The following PASK variants were observed in gnomAD, a reference collection of about 807,000 sequenced individuals.
The protein encoded by PASK is PAS domain-containing serine/threonine-protein kinase.
PASK carries 110 observed loss-of-function variants against 121.0 expected under a neutral mutation model. The ratio of observed to expected loss-of-function variants is 0.91; its 90% CI spans 0.78 to 1.06. The LOEUF (loss-of-function observed/expected upper bound fraction) is 1.06, where lower values mean the gene tolerates loss of function less well. Among genes scored for constraint, PASK ranks in the 50% least tolerant of loss-of-function variants. The pLI is 0.00. For missense variants in PASK, 1,643 were observed against 1,702.3 expected (o/e 0.97, Z 0.61); for synonymous variants, 686 against 717.8 (o/e 0.96, Z 0.71).
At chr2:241,148,995 T>G (rs1031746296) in intron 1 of PASK, among the ~76,000 whole-genome samples, 1 of 152,036 alleles carries the variant, frequency 6.6e-6, no homozygotes, top group Admixed American at 6.6e-5. Context: ...CGGCGCCGGC[T>G]GAGCCCGCAG....
intron 2 of PASK, among the ~76,000 whole-genome samples, chr2:241,142,046 C>T (rs1474997794): frequency 6.6e-6 from 1 of 152,178 alleles, no homozygotes; most frequent in African/African-American, 2.4e-5. Context: ...GGGTGAAGCC[C>T]ACTCCCAAGG....
At chr2:241,143,212 C>T (rs1466198450) in intron 1 of PASK, 138 bp from the exon 2 acceptor site, 5 of 658,820 alleles carry the variant, frequency 7.6e-6, no homozygotes, top group Admixed American at 2.2e-5. Context: ...TCAGAACCCG[C>T]AATGGGAGAA....
At chr2:241,147,050 C>T (rs1575355874) in intron 1 of PASK, among the ~76,000 whole-genome samples, 1 of 152,274 alleles carries the variant, frequency 6.6e-6, no homozygotes, top group Middle Eastern at 3.4e-3. Flanking sequence ...CTACAAGCAG[C>T]AACAATGAAT....
At chr2:241,128,664 C>T (rs573271651) in intron 9 of PASK, among the ~76,000 whole-genome samples, 21 of 152,232 alleles carry the variant, frequency 1.4e-4, no homozygotes, top group Admixed American at 5.9e-4. Context: ...CCCAGGAGTT[C>T]GAGACCAGCC....
Position 241,122,743 on chromosome 2 carries a change from T to C in PASK, c.3061A>G (p.Lys1021Glu), listed in dbSNP as rs1325689488. 1.2e-6 allele frequency: 2 copies of C among 1,614,178 alleles called. No individual in the cohort carries two copies. ...CACAGCCAGGTTACCTCCTTGTTTT[T>C]TTCCTTGTCCACAGCAGTCCACACG... is the stretch of plus-strand genomic sequence containing the variant. ...GFVWTAVDKEKNKEVVVKFIK... is the reference protein window; with the variant it reads ...GFVWTAVDKEENKEVVVKFIK... Residue 1021 changes from lysine (K) to glutamate (E), a missense_variant, in exon 12 of 18, where the codon AAA (lysine) becomes GAA (glutamate). Coordinates refer to ENST00000234040, the MANE Select transcript of PASK (RefSeq NM_015148.4).
At chr2:241,124,553 C>T (rs527899620) in intron 10 of PASK, among the ~76,000 whole-genome samples, 2 of 152,336 alleles carry the variant, frequency 1.3e-5, no homozygotes, top group African/African-American at 4.8e-5. Flanking sequence ...GAATGGCTTA[C>T]ATTAAAAGCA....
At chr2:241,147,009 A>G (rs2066988003) in intron 1 of PASK, among the ~76,000 whole-genome samples, 1 of 152,234 alleles carries the variant, frequency 6.6e-6, no homozygotes, top group Admixed American at 6.5e-5. Flanking sequence ...GCTATTACAT[A>G]TAGGGTTTGG....
rs922175441 is a variant in PASK at position 241,137,119 on chromosome 2, A to G, written c.1022T>C (p.Val341Ala). The change falls in exon 7 of 18, where the codon GTG becomes GCG. Residue 341 changes from valine (V) to alanine (A), a missense_variant. Transcript: ENST00000234040. ...PVSGYRASVW[V>A]FCTISGLITL... ...GATGAGGCCACTGATGGTGCAGAAC[A>G]CCCAGACAGATGCCCGGTAGCCGCT... The G allele has an allele frequency of 1.2e-6, 2 of 1,613,374 alleles. No individual in the cohort carries two copies. The highest frequency in any genetic ancestry group is 2.7e-5 in the African/African-American group (2 of 74,772).
At chr2:241,126,079 T>C in intron 10 of PASK, 117 bp downstream of exon 10, 1 of 874,088 alleles carries the variant, frequency 1.1e-6, no homozygotes, top group Non-Finnish European at 1.9e-6. Context: ...ACATGATTTC[T>C]GCTAACACTA....
chr2:241,143,109 A>G, intron 1 of PASK, 35 bp from the exon 2 acceptor site: 2 of 1,070,716 alleles, frequency 1.9e-6, no homozygotes, highest in Non-Finnish European at 2.9e-6. Context: ...AACATCTGCA[A>G]TGCAAAAACA....
At chr2:241,134,909 T>A (rs1439601014) in intron 8 of PASK, 1 of 152,350 alleles carries the variant, frequency 6.6e-6, no homozygotes, top group Non-Finnish European at 1.5e-5. Context: ...GCAGAGGCCC[T>A]GGAGGCAGAG....
chr2:241,149,955 G>T (rs1380150490), upstream of PASK: 24 of 1,427,112 alleles, frequency 1.7e-5, no homozygotes, highest in Non-Finnish European at 2.1e-5. Flanking sequence ...GCGGCATTTC[G>T]CATGGGTAAA....
chr2:241,132,772 C>T (rs2066225168), intron 9 of PASK, 102 bp downstream of exon 9: 1 of 989,564 alleles, frequency 1.0e-6, no homozygotes, highest in African/African-American at 1.6e-5. Flanking sequence ...TTCAATGTTA[C>T]TATGAATAAT....
intron 2 of PASK, 195 bp from the exon 3 acceptor site, chr2:241,140,948 G>C (rs1303148217): frequency 3.2e-6 from 2 of 627,530 alleles, no homozygotes; most frequent in African/African-American, 1.8e-5. Context: ...GCAACCACCA[G>C]GTCCACTCGG....
At chr2:241,126,095 G>T in intron 10 of PASK, 101 bp downstream of exon 10, 1 of 991,980 alleles carries the variant, frequency 1.0e-6, no homozygotes, top group Non-Finnish European at 1.6e-6. Flanking sequence ...CACTATTCCA[G>T]GGTGAAACCC....
chr2:241,135,732 A>ACC lies in PASK; in HGVS notation c.1306+137_1306+138dup, dbSNP rs34345561. 7.2e-5 allele frequency: 49 copies of ACC among 681,302 alleles called. No individual in the cohort carries two copies. The African/African-American group carries it at 7.4e-4, about 10-fold the overall frequency. 42.2% of individuals were successfully genotyped at this position (681,302 alleles called of 1,614,324 possible). On this transcript the variant is annotated intron_variant, in intron 8 of 17. Coordinates refer to ENST00000234040, the MANE Select transcript of PASK (RefSeq NM_015148.4). ...AGGAACATCAAACCAGAAAACAGTC[A>ACC]CCCCCTACTCCGCCCCCCACCACCC...
At position 241,122,728 on chromosome 2, in the gene PASK, T is replaced by TA; in HGVS notation, c.3072+3_3072+4insT. 1 of 1,613,536 alleles carries TA rather than the reference T, an allele frequency of 6.2e-7. No individual in the cohort carries two copies. The highest frequency in any genetic ancestry group is 1.1e-5 in the South Asian group (1 of 91,068). On this transcript the variant is annotated splice_donor_region_variant and intron_variant, in intron 12 of 17. Coordinates refer to ENST00000234040, the MANE Select transcript of PASK (RefSeq NM_015148.4). ...GCGCCACTCCCCCCCCACAGCCAGG[T>TA]TACCTCCTTGTTTTTTTCCTTGTCC...
At chr2:241,145,158 C>T (rs559256123) in intron 1 of PASK, among the ~76,000 whole-genome samples, 2 of 152,170 alleles carry the variant, frequency 1.3e-5, no homozygotes, top group Non-Finnish European at 2.9e-5. Context: ...CGTGATCCAC[C>T]TGCTGCGGCC....
At chr2:241,136,225 T>C (rs905903722) in intron 7 of PASK, among the ~76,000 whole-genome samples, 186 bp from the exon 8 acceptor site, 4 of 152,240 alleles carry the variant, frequency 2.6e-5, no homozygotes, top group Admixed American at 2.0e-4. Context: ...CAACATGTGA[T>C]CTGTGATTTT....
Sources: gnomAD v4.1 joint callset for allele counts (sites outside exome capture counted in the v4.1 genomes callset) on GRCh38, gnomAD v4.1.1 for gene constraint, MANE v1.5 for transcripts, NCBI Gene and HGNC (gene_info 2026-07-23, HGNC 2026-07-21) for gene names.